Variants in PCDHGA6 observed in about 807,000 individuals in gnomAD.
PCDHGA6 encodes protocadherin gamma-A6.
In PCDHGA6, 41 loss-of-function variants were observed where a neutral mutation model predicts 60.6. The ratio of observed to expected loss-of-function variants is 0.68; its 90% CI spans 0.53 to 0.88. The LOEUF (loss-of-function observed/expected upper bound fraction) is 0.88, where lower values mean the gene tolerates loss of function less well. Among genes scored for constraint, PCDHGA6 ranks in the 40% least tolerant of loss-of-function variants. PCDHGA6 has a pLI of 0.00. For synonymous variants in PCDHGA6, 594 were observed against 524.4 expected, an observed-to-expected ratio of 1.13 and a Z score of -1.81; for missense variants, 1,312 against 1,203.0, an observed-to-expected ratio of 1.09 and a Z score of -1.34.
At chr5:141,391,498 G>A (rs974621252) in intron 1 of PCDHGA6, 1 of 151,980 alleles carries the variant, frequency 6.6e-6, no homozygotes, top group African/African-American at 2.4e-5. Flanking sequence ...TTTCAGTAGA[G>A]AAAATATTTT....
intron 1 of PCDHGA6, chr5:141,423,660 G>T (rs765304048): frequency 1.3e-6 from 2 of 1,560,582 alleles, no homozygotes; most frequent in Non-Finnish European, 8.6e-7. Context: ...CAAGTAATCA[G>T]GTGAGATTTA....
chr5:141,428,861 T>G (rs1435613271), intron 1 of PCDHGA6: 1 of 73,058 alleles, frequency 1.4e-5, no homozygotes, highest in Non-Finnish European at 2.5e-5. Flanking sequence ...TACGGGAGAC[T>G]TTTTTTTTTT....
intron 1 of PCDHGA6, chr5:141,385,005 C>A (rs754312286): frequency 6.8e-6 from 11 of 1,614,138 alleles, no homozygotes; most frequent in South Asian, 4.4e-5. Context: ...CAGTCTCCTG[C>A]GTCTTCCTAG....
At chr5:141,380,974 A>C (rs1008958709) in intron 1 of PCDHGA6, among the ~76,000 whole-genome samples, 4 of 152,262 alleles carry the variant, frequency 2.6e-5, no homozygotes, top group African/African-American at 9.6e-5. Context: ...TATTAAACAA[A>C]TAGAATTTAA....
chr5:141,389,863 TG>T, intron 1 of PCDHGA6: 2 of 1,614,064 alleles, frequency 1.2e-6, no homozygotes, highest in Non-Finnish European at 1.7e-6. Context: ...ACGTTGCACC[TG>T]GTCTTCGCCG....
chr5:141,435,973 G>T (rs1420195337), intron 1 of PCDHGA6, among the ~76,000 whole-genome samples: 1 of 152,028 alleles, frequency 6.6e-6, no homozygotes, highest in East Asian at 1.9e-4. Context: ...AGAGTGTGTG[G>T]TTCTACTTGT....
At chr5:141,448,305 A>C (rs910461420) in intron 1 of PCDHGA6, among the ~76,000 whole-genome samples, 1 of 152,092 alleles carries the variant, frequency 6.6e-6, no homozygotes, top group East Asian at 1.9e-4. Context: ...TTAATATCTC[A>C]AGGAATCTTT....
In PCDHGA6 at chr5:141,474,958, C is replaced by T. The variant is rs114469479; in HGVS notation, c.2425-19849C>T. On this transcript the variant is annotated intron_variant, in intron 1 of 3. Transcript: ENST00000517434. ...CACAGTGGACTCTTTTATTCACTAT[C>T]CTAATCATTATAATTTTGTTTGGTG... is the stretch of plus-strand genomic sequence containing the variant. Among the ~76,000 whole-genome samples the T allele has an allele frequency of 4.4e-3, 666 of 152,340 alleles. 6 individuals are homozygous for T. The highest frequency in any genetic ancestry group is 0.015 in the African/African-American group (634 of 41,572).
chr5:141,382,939 T>C (rs765145573), intron 1 of PCDHGA6: 3 of 1,594,910 alleles, frequency 1.9e-6, no homozygotes, highest in South Asian at 2.2e-5. Context: ...CAGAGGATTC[T>C]TCCTGCTCTC....
In PCDHGA6 at chr5:141,420,282, T is replaced by C. The variant is rs543435018; in HGVS notation, c.2424+43775T>C. 2.1e-5 allele frequency: 31 copies of C among 1,510,188 alleles called. No homozygotes were observed. In the African/African-American group the frequency reaches 4.0e-4, roughly 20 times the overall value. 93.5% of individuals were successfully genotyped at this position (1,510,188 alleles called of 1,614,324 possible). On this transcript the variant is annotated intron_variant, in intron 1 of 3. Coordinates refer to ENST00000517434, the MANE Select transcript of PCDHGA6 (RefSeq NM_018919.3). ...AAGAAGATTCTTAAACAGGTAAGTA[T>C]TTAAAAATGTATTTAATCCTTTTTA...
At position 141,374,676 on chromosome 5, in the gene PCDHGA6, G is replaced by T. The variant is rs372705367; in HGVS notation, c.593G>T (p.Gly198Val). ...AAGTACCCGGAGCTGGTGCTGGAGG[G>T]CACACTGGACCGGGAAGGAGAAGCC... ...GPKYPELVLE[G>V]TLDREGEAVY... Residue 198 changes from glycine to valine, a missense_variant, in exon 1 of 4, where the codon GGC (glycine) becomes GTC (valine). Coordinates refer to ENST00000517434, the MANE Select transcript of PCDHGA6 (RefSeq NM_018919.3). 8 of 1,610,386 alleles carry T rather than the reference G, an allele frequency of 5.0e-6. No individual in the cohort carries two copies. The African/African-American group carries it at 1.1e-4, about 22-fold the overall frequency.
chr5:141,389,533 T>C (rs2091811622), intron 1 of PCDHGA6: 4 of 1,613,216 alleles, frequency 2.5e-6, no homozygotes, highest in South Asian at 2.2e-5. Flanking sequence ...CGCGTGTTAG[T>C]GGACGACCGC....
chr5:141,425,881 A>T (rs911454948), intron 1 of PCDHGA6, among the ~76,000 whole-genome samples: 1 of 152,230 alleles, frequency 6.6e-6, no homozygotes, highest in Non-Finnish European at 1.5e-5. Flanking sequence ...TCTCTAAGGA[A>T]TCTTCTTTGG....
Position 141,490,177 on chromosome 5 carries a change from T to C in PCDHGA6, c.2425-4630T>C, listed in dbSNP as rs780298274. 12 of 1,613,622 alleles carry C rather than the reference T, an allele frequency of 7.4e-6. No individual in the cohort carries two copies. The highest frequency in any genetic ancestry group is 1.0e-5 in the Non-Finnish European group (12 of 1,179,932). On this transcript the variant is annotated intron_variant, in intron 1 of 3. Transcript: ENST00000517434. This position sits in a 1 kb window ranked among gnomAD's most constrained non-coding sequence, Gnocchi z 5.4. The stretch of plus-strand genomic sequence containing the variant: ...GTTGGGTCCCATAGACTTTGAGGAG[T>C]CACGTTTCTATGAAATTCATGCAAG...
intron 1 of PCDHGA6, chr5:141,440,405 CCACTG>C (rs2098176019): frequency 6.6e-6 from 1 of 152,126 alleles, no homozygotes; most frequent in South Asian, 2.1e-4. Flanking sequence ...GGCAATCGCA[CCACTG>C]CACTCCAGCC....
At chr5:141,393,730 G>A in intron 1 of PCDHGA6, 1 of 1,613,842 alleles carries the variant, frequency 6.2e-7, no homozygotes, top group Non-Finnish European at 8.5e-7. Context: ...ATAGCAAAAA[G>A]TCTAGATTAT....
At chr5:141,507,815 C>G (rs936926937) in intron 3 of PCDHGA6, among the ~76,000 whole-genome samples, 2 of 152,204 alleles carry the variant, frequency 1.3e-5, no homozygotes, top group African/African-American at 4.8e-5. Context: ...GGAACGGACC[C>G]TGGGGGTGGA....
intron 2 of PCDHGA6, among the ~76,000 whole-genome samples, chr5:141,497,603 G>A (rs1045138662): frequency 3.3e-5 from 5 of 149,832 alleles, no homozygotes; most frequent in Non-Finnish European, 7.4e-5. Context: ...GCAGTGGTGC[G>A]ATCTTGGCTC....
At position 141,485,729 on chromosome 5, in the gene PCDHGA6, A is replaced by G. The variant is rs2099618322; in HGVS notation, c.2425-9078A>G. 6.2e-7 allele frequency: 1 copy of G among 1,614,092 alleles called. No individual in the cohort carries two copies. The highest frequency in any genetic ancestry group is 1.1e-5 in the South Asian group (1 of 91,094). ...CTTTGCACTGGATGTGAAGAAGCGCAGCGACGGCAGCCTGGTCCCAGAGCT... is the reference window on the plus strand; with the variant it reads ...CTTTGCACTGGATGTGAAGAAGCGCGGCGACGGCAGCCTGGTCCCAGAGCT... On this transcript the variant is annotated intron_variant, in intron 1 of 3. Coordinates refer to ENST00000517434, the MANE Select transcript of PCDHGA6 (RefSeq NM_018919.3). This position sits in a 1 kb window ranked among gnomAD's most constrained non-coding sequence, Gnocchi z 5.7.
Sources: allele counts gnomAD v4.1 joint callset (sites outside exome capture counted in the v4.1 genomes callset), GRCh38; gene constraint gnomAD v4.1.1; non-coding constraint Gnocchi (gnomAD v3.1); transcripts MANE v1.5; gene names NCBI Gene and HGNC (gene_info 2026-07-23, HGNC 2026-07-21).